GPR135: variants seen among roughly 807,000 people sequenced by gnomAD.
GPR135 encodes the protein G protein-coupled receptor 135.
Under a neutral mutation model 15.0 loss-of-function variants are expected in GPR135, and 17 were observed. That is an observed-to-expected ratio of 1.13 (90% CI 0.78 to 1.70). The LOEUF (loss-of-function observed/expected upper bound fraction) is 1.70. Ranked by LOEUF, GPR135 falls within the 40% of genes most tolerant of loss-of-function variation. The pLI is 0.00. For missense variants in GPR135, 776 were observed against 727.0 expected (o/e 1.07, Z -0.78); for synonymous variants, 368 against 349.4 (o/e 1.05, Z -0.59).
Position 59,464,577 on chromosome 14 carries a change from G to C in GPR135, c.650C>G (p.Pro217Arg). The C allele has an allele frequency of 6.3e-7, 1 of 1,578,202 alleles. No homozygotes were observed. Among genetic ancestry groups the C allele is most frequent in the South Asian group, 1.1e-5 (1 of 88,610 alleles). ...GCGGCGGCGGCCGATCTTCTCCCGCGGCGGCCGCACGATAGCGCAGTAACG... is the reference window on the plus strand; with the variant it reads ...GCGGCGGCGGCCGATCTTCTCCCGCCGCGGCCGCACGATAGCGCAGTAACG... Reference protein sequence around the residue: ...LDRYCAIVRPPREKIGRRRAL... With the variant: ...LDRYCAIVRPRREKIGRRRAL... The change falls in exon 1 of 1, where the codon CCG becomes CGG. Residue 217 changes from proline to arginine, a missense_variant. Pro to Arg is a moderately radical substitution (Grantham distance 103). Coordinates refer to ENST00000395116, the MANE Select transcript of GPR135 (RefSeq NM_022571.6).
chr14:59,453,350 T>A (rs939798740), intron 6 of GPR135, among the ~76,000 whole-genome samples: 2 of 152,070 alleles, frequency 1.3e-5, no homozygotes, highest in Non-Finnish European at 2.9e-5. Context: ...AAATGGGAAA[T>A]CTCTGTACTT....
At chr14:59,457,746 T>G (rs374646254), downstream of GPR135, among the ~76,000 whole-genome samples, 1 of 152,228 alleles carries the variant, frequency 6.6e-6, no homozygotes, top group Non-Finnish European at 1.5e-5. Context: ...AAGCATAGTT[T>G]AAAAATTATT....
chr14:59,465,087 A>G lies in GPR135; in HGVS notation c.140T>C (p.Val47Ala). 1.0e-5 allele frequency: 14 copies of G among 1,381,552 alleles called. No individual in the cohort carries two copies. The highest frequency in any genetic ancestry group is 5.3e-4 in the Middle Eastern group (2 of 3,790). 85.6% of individuals were successfully genotyped at this position (1,381,552 alleles called of 1,614,324 possible). Residue 47 changes from valine to alanine, a missense_variant, in exon 1 of 1, where the codon GTG (valine) becomes GCG (alanine). By Grantham distance (64) the Val-to-Ala change is moderately conservative. Transcript: ENST00000395116. The part of the protein sequence containing the change: ...ATAAVLSFST[V>A]ATAALGNLSD... ...CAGGTTCCCCAGCGCCGCGGTCGCC[A>G]CGGTGCTGAAGGAGAGCACGGCCGC... is the stretch of plus-strand genomic sequence containing the variant.
Position 59,464,684 on chromosome 14 carries a change from G to C in GPR135, c.543C>G (p.Arg181=). Residue 181 remains arginine (R), a synonymous_variant, in exon 1 of 1, where the codon CGC becomes CGG. Transcript: ENST00000395116. ...SAPAAAAGPW[R]GFCAASRFFS... ...AGAAGCGGCTGGCGGCGCAGAAGCC[G>C]CGCCAGGGCCCCGCGGCGGCGGCAG... 6.3e-7 allele frequency: 1 copy of C among 1,581,494 alleles called. No individual in the cohort carries two copies. The highest frequency in any genetic ancestry group is 8.6e-7 in the Non-Finnish European group (1 of 1,169,134).
chr14:59,453,302 G>T (rs933459942), intron 6 of GPR135, among the ~76,000 whole-genome samples: 3 of 152,144 alleles, frequency 2.0e-5, no homozygotes, highest in African/African-American at 7.2e-5. Context: ...GGGGATATTG[G>T]TAACAGGTGA....
chr14:59,463,215 G>A lies in GPR135; in HGVS notation c.*527C>T, dbSNP rs182684190. 1 of 152,644 alleles carries A rather than the reference G, an allele frequency of 6.6e-6. No homozygotes were observed. The highest frequency in any genetic ancestry group is 2.4e-5 in the African/African-American group (1 of 41,540). 9.5% of individuals were successfully genotyped at this position (152,644 alleles called of 1,614,324 possible). On this transcript the variant is annotated 3_prime_UTR_variant, in exon 1 of 1. Coordinates refer to ENST00000395116, the MANE Select transcript of GPR135 (RefSeq NM_022571.6). The stretch of plus-strand genomic sequence containing the variant: ...AAATTTTCCACAAAGGTTATTAGGG[G>A]GTGGGGTGAGGAGGTGCACCAATGT...
chr14:59,464,869 CA>C lies in GPR135; in HGVS notation c.357del (p.Gly120AlafsTer5). The C allele has an allele frequency of 6.2e-7, 1 of 1,605,996 alleles. No individual in the cohort carries two copies. On this transcript the variant is annotated frameshift_variant, in exon 1 of 1. Transcript: ENST00000395116. LOFTEE classifies it high-confidence loss of function. ...ATCACCCCCATCACCGCGCAGTTGC[CA>C]AGGCTAGACAGCAGGAAGATGAGCA... ...VLLLIFLLSS[L>X]GNCAVMGVIV...
At position 59,461,524 on chromosome 14, in the gene GPR135, A is replaced by C. The variant is rs1405108543; in HGVS notation, c.*2218T>G. 1 of 152,114 alleles carries C rather than the reference A, an allele frequency of 6.6e-6. No homozygotes were observed. The highest frequency in any genetic ancestry group is 2.4e-5 in the African/African-American group (1 of 41,418). The allele number at this position is 152,114 out of a possible 1,614,324, so 9.4% of individuals were successfully genotyped here. On this transcript the variant is annotated 3_prime_UTR_variant, in exon 1 of 1. Transcript: ENST00000395116. ...CATGCCTTTCCTAAAACTTCCTGCC[A>C]CCGAAAAGGTAGGGCTGGAATTCCT...
rs1888954859 is a variant in GPR135 at position 59,463,715 on chromosome 14, C to A, written c.*27G>T. 6.5e-7 allele frequency: 1 copy of A among 1,527,376 alleles called. No homozygotes were observed. Among genetic ancestry groups the A allele is most frequent in the African/African-American group, 1.4e-5 (1 of 72,104 alleles). The allele number at this position is 1,527,376 out of a possible 1,614,324, so 94.6% of individuals were successfully genotyped here. A position where few individuals can be genotyped will look rare whatever the true frequency, so the allele number is the denominator to read the frequency against. On this transcript the variant is annotated 3_prime_UTR_variant, in exon 1 of 1. Transcript: ENST00000395116. ...TTAAATAATGCGAGTGGAAATTTGC[C>A]TTCATAAGCTGGCCATTCCAACCGT...
chr14:59,457,490 C>T (rs1472283579), downstream of GPR135, among the ~76,000 whole-genome samples: 1 of 152,020 alleles, frequency 6.6e-6, no homozygotes, highest in Non-Finnish European at 1.5e-5. Context: ...GTCTTTGAGG[C>T]TGTATTCATT....
chr14:59,463,002 G>C lies in GPR135; in HGVS notation c.*740C>G, dbSNP rs981583469. On this transcript the variant is annotated 3_prime_UTR_variant, in exon 1 of 1. Coordinates refer to ENST00000395116, the MANE Select transcript of GPR135 (RefSeq NM_022571.6). ...AGGATAAAACTTCAAAGTTTTCCAA[G>C]GAAGATCATTTTGGAGGTATGACGC... 6.6e-6 allele frequency: 1 copy of C among 152,118 alleles called. No individual in the cohort carries two copies. Among genetic ancestry groups the C allele is most frequent in the Admixed American group, 6.5e-5 (1 of 15,280 alleles). 9.4% of individuals were successfully genotyped at this position (152,118 alleles called of 1,614,324 possible).
downstream of GPR135, among the ~76,000 whole-genome samples, chr14:59,457,472 T>C (rs1414444614): frequency 6.6e-6 from 1 of 152,164 alleles, no homozygotes; most frequent in East Asian, 1.9e-4. Context: ...CTTAATGGTC[T>C]CCCACAGGTC....
intron 6 of GPR135, among the ~76,000 whole-genome samples, chr14:59,453,866 TA>T (rs1275526870): frequency 6.6e-6 from 1 of 152,218 alleles, no homozygotes; most frequent in Non-Finnish European, 1.5e-5. Flanking sequence ...AAGTAATTTT[TA>T]AAATGTAAGA....
downstream of GPR135, among the ~76,000 whole-genome samples, chr14:59,455,957 C>T (rs1235654727): frequency 6.6e-6 from 1 of 152,190 alleles, no homozygotes; most frequent in African/African-American, 2.4e-5. Flanking sequence ...TGATATAGTT[C>T]TGGCAATAAG....
chr14:59,454,927 C>T (rs1424192321), intron 6 of GPR135, among the ~76,000 whole-genome samples: 1 of 151,970 alleles, frequency 6.6e-6, no homozygotes, highest in African/African-American at 2.4e-5. Context: ...TGGTGAAACC[C>T]CATCTCTACT....
At chr14:59,455,721 T>A (rs917789000) in exon 6 of GPR135, 1 of 56,952 alleles carries the variant, frequency 1.8e-5, no homozygotes, top group Non-Finnish European at 3.4e-5. Flanking sequence ...TGCTTGAGTG[T>A]CCTCACAACA....
rs906466180 is a variant in GPR135 at position 59,463,992 on chromosome 14, T to A, written c.1235A>T (p.Asp412Val). 6.2e-7 allele frequency: 1 copy of A among 1,613,888 alleles called. No individual in the cohort carries two copies. Among genetic ancestry groups the A allele is most frequent in the African/African-American group, 1.3e-5 (1 of 74,948 alleles). Residue 412 changes from aspartate to valine, a missense_variant, in exon 1 of 1, where the codon GAC becomes GTC. Physicochemically the swap from Asp to Val is radical, Grantham distance 152 (BLOSUM62 -3). Coordinates refer to ENST00000395116, the MANE Select transcript of GPR135 (RefSeq NM_022571.6). ...REEGYRTRNV[D>V]AFLPSQGPGL... Reference sequence around the variant, plus strand: ...CGGGCCCTGGCTGGGCAGGAAAGCGTCCACATTCCTAGTCCGGTAGCCCTC... The same window carrying A: ...CGGGCCCTGGCTGGGCAGGAAAGCGACCACATTCCTAGTCCGGTAGCCCTC...
chr14:59,455,193 C>T (rs116887159), intron 6 of GPR135, among the ~76,000 whole-genome samples: 1 of 152,168 alleles, frequency 6.6e-6, no homozygotes, highest in East Asian at 1.9e-4. Flanking sequence ...TGGTGACTGG[C>T]CTAGCTATAG....
Position 59,464,204 on chromosome 14 carries a change from G to A in GPR135, c.1023C>T (p.Ile341=), listed in dbSNP as rs575746671. 3.7e-6 allele frequency: 6 copies of A among 1,610,692 alleles called. No homozygotes were observed. In the African/African-American group the frequency reaches 8.0e-5, roughly 21 times the overall value. ...TTVLIMIVFV[I]CCWGPYCFLV... Reference sequence around the variant, plus strand: ...GGAAGCAGTAGGGCCCCCAGCAGCAGATGACGAAGACGATCATGATGAGGA... The same window carrying A: ...GGAAGCAGTAGGGCCCCCAGCAGCAAATGACGAAGACGATCATGATGAGGA... The change falls in exon 1 of 1, where the codon ATC becomes ATT. Residue 341 remains isoleucine (I), a synonymous_variant. Transcript: ENST00000395116.
Sources: allele counts gnomAD v4.1 joint callset (sites outside exome capture counted in the v4.1 genomes callset), GRCh38; gene constraint gnomAD v4.1.1; transcripts MANE v1.5; gene names NCBI Gene and HGNC (gene_info 2026-07-23, HGNC 2026-07-21).